GPM6A: variants seen among roughly 807,000 people sequenced by gnomAD.
GPM6A encodes glycoprotein M6A.
GPM6A carries 7 observed loss-of-function variants against 32.1 expected under a neutral mutation model. That is an observed-to-expected ratio of 0.22 (90% CI 0.12 to 0.41). The LOEUF (loss-of-function observed/expected upper bound fraction) is 0.41, where lower values mean the gene tolerates loss of function less well. GPM6A is among the 10% of genes least tolerant of loss of function. The pLI is 1.00. For missense variants in GPM6A, 235 were observed against 347.2 expected (o/e 0.68, Z 2.57); for synonymous variants, 130 against 123.4 (o/e 1.05, Z -0.35).
chr4:175,816,421 CATT>C (rs1560948697), upstream of GPM6A, among the ~76,000 whole-genome samples: 1 of 152,136 alleles, frequency 6.6e-6, no homozygotes, highest in Non-Finnish European at 1.5e-5. Flanking sequence ...TGGATAAACA[CATT>C]ATTATATACA....
chr4:175,804,821 G>A lies in GPM6A; in HGVS notation c.37+7370C>T, dbSNP rs562917633. Among the ~76,000 whole-genome samples the A allele has an allele frequency of 6.9e-3, 1,055 of 152,120 alleles. 2 individuals are homozygous for A. The highest frequency in any genetic ancestry group is 0.01 in the Middle Eastern group (3 of 294). ...AGCACTTTGGGAGGCAGAGGCGGGC[G>A]GATCACGAGGTCAGGAGATCGAGAC... On this transcript the variant is annotated intron_variant, in intron 1 of 6. Coordinates refer to ENST00000393658, the MANE Select transcript of GPM6A (RefSeq NM_201591.3).
chr4:175,812,337 T>TTTTTTTTTTA, upstream of GPM6A: 2 of 1,346,910 alleles, frequency 1.5e-6, no homozygotes, highest in Non-Finnish European at 1.9e-6. Flanking sequence ...TTTTTTTTTT[T>TTTTTTTTTTA]TTTCCTGGGA....
chr4:175,695,363 A>G (rs1390227037), intron 2 of GPM6A, among the ~76,000 whole-genome samples: 3 of 152,218 alleles, frequency 2.0e-5, no homozygotes, highest in African/African-American at 7.2e-5. Context: ...ACAGCAGCCC[A>G]TGAGAACAGC....
chr4:175,858,306 C>G (rs1736474068), intron 1 of GPM6A, among the ~76,000 whole-genome samples: 1 of 152,074 alleles, frequency 6.6e-6, no homozygotes. Context: ...CCGAGGTGAG[C>G]AGATCGCCTG....
At chr4:175,993,904 T>A (rs58465829) in intron 1 of GPM6A, among the ~76,000 whole-genome samples, 4,504 of 152,296 alleles carry the variant, frequency 0.03, 203 homozygotes, top group African/African-American at 0.1. Context: ...TTTGTGCAAC[T>A]TACTTGTAGC....
chr4:175,852,521 A>T (rs1018451038), intron 1 of GPM6A, among the ~76,000 whole-genome samples: 1 of 152,184 alleles, frequency 6.6e-6, no homozygotes, highest in Non-Finnish European at 1.5e-5. Flanking sequence ...GAAAAAGTGA[A>T]CTAGCCCTTT....
intron 3 of GPM6A, among the ~76,000 whole-genome samples, chr4:175,663,839 G>A (rs1366479281): frequency 6.6e-6 from 1 of 151,206 alleles, no homozygotes. Context: ...GACTACAGGC[G>A]CCCGCCACTA....
chr4:175,841,609 G>A (rs1189503864), intron 1 of GPM6A, among the ~76,000 whole-genome samples: 1 of 152,078 alleles, frequency 6.6e-6, no homozygotes, highest in Non-Finnish European at 1.5e-5. Flanking sequence ...TAAAGGGCCA[G>A]CACACTTCTG....
intron 1 of GPM6A, among the ~76,000 whole-genome samples, chr4:175,880,926 A>T (rs1737253075): frequency 6.6e-6 from 1 of 152,128 alleles, no homozygotes; most frequent in South Asian, 2.1e-4. Context: ...CACTATGTTG[A>T]ATAGGAGTGG....
intron 1 of GPM6A, among the ~76,000 whole-genome samples, chr4:175,992,264 T>C (rs565981011): frequency 6.6e-6 from 1 of 152,288 alleles, no homozygotes; most frequent in Admixed American, 6.5e-5. Context: ...TTCCTGGTAA[T>C]ATTGTATATT....
At chr4:175,679,676 C>T (rs148091086) in intron 2 of GPM6A, among the ~76,000 whole-genome samples, 3 of 152,290 alleles carry the variant, frequency 2.0e-5, no homozygotes, top group African/African-American at 7.2e-5. Flanking sequence ...AGAGCCCACC[C>T]TTTTCCCCCA....
chr4:175,937,577 T>G (rs539302735), intron 1 of GPM6A, among the ~76,000 whole-genome samples: 61 of 152,198 alleles, frequency 4.0e-4, no homozygotes, highest in African/African-American at 1.4e-3. Flanking sequence ...AATGAACAAG[T>G]CAATGAATAA....
At chr4:175,676,818 CA>C (rs1743395720) in intron 2 of GPM6A, among the ~76,000 whole-genome samples, 1 of 152,122 alleles carries the variant, frequency 6.6e-6, no homozygotes, top group African/African-American at 2.4e-5. Flanking sequence ...ATGAGTATCA[CA>C]AAAGAGCTAA....
intron 1 of GPM6A, among the ~76,000 whole-genome samples, chr4:175,936,647 T>C (rs1213688208): frequency 2.6e-5 from 4 of 152,064 alleles, no homozygotes; most frequent in South Asian, 2.1e-4. Flanking sequence ...GATATGTAAG[T>C]ATAACCTAAC....
At chr4:175,978,534 G>A (rs1222538424) in intron 1 of GPM6A, among the ~76,000 whole-genome samples, 3 of 152,070 alleles carry the variant, frequency 2.0e-5, no homozygotes, top group African/African-American at 7.2e-5. Context: ...TTCCCACTCA[G>A]GCCAGACTGT....
chr4:175,669,512 T>C (rs1310425716), intron 3 of GPM6A, among the ~76,000 whole-genome samples: 2 of 152,222 alleles, frequency 1.3e-5, no homozygotes, highest in Admixed American at 6.5e-5. Flanking sequence ...GAGCATCACG[T>C]TGACGCTCAA....
At chr4:175,719,600 T>A (rs1746012361) in intron 1 of GPM6A, among the ~76,000 whole-genome samples, 1 of 152,192 alleles carries the variant, frequency 6.6e-6, no homozygotes, top group African/African-American at 2.4e-5. Context: ...ATGTAACAAT[T>A]AATTTGTTAC....
chr4:175,847,006 G>C (rs2111395264), intron 1 of GPM6A, among the ~76,000 whole-genome samples: 1 of 152,136 alleles, frequency 6.6e-6, no homozygotes, highest in South Asian at 2.1e-4. Context: ...TAAGAGCCAA[G>C]AATCAACGAA....
chr4:175,937,000 T>C (rs1739262291), intron 1 of GPM6A, among the ~76,000 whole-genome samples: 1 of 152,128 alleles, frequency 6.6e-6, no homozygotes, highest in Non-Finnish European at 1.5e-5. Context: ...TTAAAACAAA[T>C]GTAAATTATA....
Sources: gnomAD v4.1 joint callset for allele counts (sites outside exome capture counted in the v4.1 genomes callset) on GRCh38, gnomAD v4.1.1 for gene constraint, MANE v1.5 for transcripts, NCBI Gene and HGNC (gene_info 2026-07-23, HGNC 2026-07-21) for gene names.